The following ADPRM variants were observed in gnomAD, a reference collection of about 807,000 sequenced individuals.
ADPRM encodes manganese-dependent ADP-ribose/CDP-alcohol diphosphatase.
A neutral mutation model predicts 27.2 loss-of-function variants in ADPRM; 17 were observed. The ratio of observed to expected loss-of-function variants is 0.63; its 90% confidence interval spans 0.43 to 0.94. The LOEUF (loss-of-function observed/expected upper bound fraction) is 0.94, where lower values mean the gene tolerates loss of function less well. ADPRM is among the 40% of genes least tolerant of loss of function. The pLI is 0.00. For missense variants in ADPRM, 337 were observed against 412.8 expected (o/e 0.82, Z 1.59); for synonymous variants, 135 against 145.3 (o/e 0.93, Z 0.51).
chr17:10,710,340 G>T (rs1374186089), intron 3 of ADPRM, among the ~76,000 whole-genome samples: 1 of 152,234 alleles, frequency 6.6e-6, no homozygotes, highest in Admixed American at 6.5e-5. Context: ...GACCTCAGGT[G>T]ATCCGGCTGC....
intron 1 of ADPRM, chr17:10,698,367 G>A (rs1298538402): frequency 6.6e-6 from 1 of 151,834 alleles, no homozygotes; most frequent in African/African-American, 2.4e-5. Context: ...TAGGTTTTTC[G>A]TTCTTTGTGA....
rs1292225792 is a variant in ADPRM, at chr17:10,711,546, A to ATTT, written c.*403_*405dup. On this transcript the variant is annotated 3_prime_UTR_variant, in exon 4 of 4. Coordinates refer to ENST00000379774, the MANE Select transcript of ADPRM (RefSeq NM_020233.5). ...CTGCTGTGTAAATGAGCTTTGGACA[A>ATTT]TTTCTGCTCAGAACACCTATACTTG... Among the ~76,000 whole-genome samples, 1 of 152,242 alleles carries ATTT rather than the reference A, an allele frequency of 6.6e-6. No individual in the cohort carries two copies. The highest frequency in any genetic ancestry group is 3.4e-3 in the Middle Eastern group (1 of 292).
At position 10,702,673 on chromosome 17, in the gene ADPRM, A is replaced by G. The variant is rs1179591610; in HGVS notation, c.-17-2237A>G. ...CTTATTGTGACCCAGGTTGAGTTAC[A>G]TGCCTACCCCTAACTGGCCAGAGGA... is the stretch of plus-strand genomic sequence containing the variant. On this transcript the variant is annotated intron_variant, in intron 1 of 3. Coordinates refer to ENST00000379774, the MANE Select transcript of ADPRM (RefSeq NM_020233.5). The surrounding 1 kb of genome is among the most constrained non-coding windows in gnomAD (Gnocchi z 4.2). Among the ~76,000 whole-genome samples the G allele has an allele frequency of 6.6e-6, 1 of 152,192 alleles. No homozygotes were observed. The highest frequency in any genetic ancestry group is 1.9e-4 in the East Asian group (1 of 5,196).
chr17:10,705,282 A>C lies in ADPRM; in HGVS notation c.356A>C (p.Glu119Ala). 6.2e-7 allele frequency: 1 copy of C among 1,613,890 alleles called. No individual in the cohort carries two copies. Among genetic ancestry groups the C allele is most frequent in the Non-Finnish European group, 8.5e-7 (1 of 1,179,844 alleles). The change falls in exon 2 of 4, where the codon GAG (glutamate) becomes GCG (alanine). Residue 119 changes from glutamate to alanine, a missense_variant. By Grantham distance (107) the Glu-to-Ala change is moderately radical (BLOSUM62 -1). Transcript: ENST00000379774. This position sits in a 1 kb window ranked among gnomAD's most constrained non-coding sequence, Gnocchi z 5.4. ...CATGAATTCTATAACTTCAGTAGAGAGTATTTAACACACTCTAAACTTAAC... is the reference window on the plus strand; with the variant it reads ...CATGAATTCTATAACTTCAGTAGAGCGTATTTAACACACTCTAAACTTAAC... ...GNHEFYNFSR[E>A]YLTHSKLNTK...
intron 1 of ADPRM, among the ~76,000 whole-genome samples, 166 bp from the exon 2 acceptor site, chr17:10,704,744 G>T (rs1490377742): frequency 6.6e-6 from 1 of 152,156 alleles, no homozygotes; most frequent in African/African-American, 2.4e-5. Context: ...GTTTTAGAGG[G>T]TTAGTAGTTT....
At position 10,705,677 on chromosome 17, in the gene ADPRM, G is replaced by A. The variant is rs2074808194; in HGVS notation, c.601+150G>A. 8.0e-7 allele frequency: 1 copy of A among 1,244,696 alleles called. No individual in the cohort carries two copies. Among genetic ancestry groups the A allele is most frequent in the Admixed American group, 2.9e-5 (1 of 35,008 alleles). 77.1% of individuals were successfully genotyped at this position (1,244,696 alleles called of 1,614,324 possible). ...TCTCACAAGCCTTCTCACATGGATTGGTTACAGTTGATTCAAGATTGATTT... is the reference window on the plus strand; with the variant it reads ...TCTCACAAGCCTTCTCACATGGATTAGTTACAGTTGATTCAAGATTGATTT... On this transcript the variant is annotated intron_variant, in intron 2 of 3. Transcript: ENST00000379774. The surrounding 1 kb of genome is among the most constrained non-coding windows in gnomAD (Gnocchi z 5.4).
rs565283068 is a variant in ADPRM, at chr17:10,707,256, T to G, written c.718+702T>G. 1.2e-4 allele frequency among the ~76,000 whole-genome samples: 19 copies of G among 152,286 alleles called. No homozygotes were observed. The East Asian group carries it at 2.7e-3, about 22-fold the overall frequency. The stretch of plus-strand genomic sequence containing the variant: ...AGGGCATGGTGGTGCGTGCCTGTAG[T>G]TCCAGCCACTTGGGAGGCTGAGGCA... On this transcript the variant is annotated intron_variant, in intron 3 of 3. Transcript: ENST00000379774.
intron 1 of ADPRM, among the ~76,000 whole-genome samples, chr17:10,701,476 G>GC (rs2074777835): frequency 6.6e-6 from 1 of 151,740 alleles, no homozygotes; most frequent in African/African-American, 2.4e-5. Context: ...GACTACAGGC[G>GC]CCTGCCACCA....
In ADPRM at chr17:10,711,028, G is replaced by C. The variant is rs199535765; in HGVS notation, c.913G>C (p.Asp305His). 1 of 1,614,140 alleles carries C rather than the reference G, an allele frequency of 6.2e-7. No individual in the cohort carries two copies. The highest frequency in any genetic ancestry group is 8.5e-7 in the Non-Finnish European group (1 of 1,180,020). The part of the protein sequence containing the change: ...NLEGVIETAP[D>H]SQAFGTVHVY... ...AGAAGGAGTTATTGAAACAGCTCCAGACAGCCAAGCCTTTGGCACAGTTCA... is the reference window on the plus strand; with the variant it reads ...AGAAGGAGTTATTGAAACAGCTCCACACAGCCAAGCCTTTGGCACAGTTCA... The change falls in exon 4 of 4, where the codon GAC (aspartate) becomes CAC (histidine). Residue 305 changes from aspartate to histidine, a missense_variant. By Grantham distance (81) the Asp-to-His change is moderately conservative. Coordinates refer to ENST00000379774, the MANE Select transcript of ADPRM (RefSeq NM_020233.5).
At chr17:10,710,219 A>G (rs1465745045) in intron 3 of ADPRM, among the ~76,000 whole-genome samples, 2 of 152,202 alleles carry the variant, frequency 1.3e-5, no homozygotes, top group African/African-American at 2.4e-5. Flanking sequence ...CTTCTGCCTC[A>G]GCCTCCCGAG....
At chr17:10,706,405 C>T in intron 2 of ADPRM, 33 bp from the exon 3 acceptor site, 1 of 1,480,222 alleles carries the variant, frequency 6.8e-7, no homozygotes, top group Non-Finnish European at 9.3e-7. Flanking sequence ...GGAAAAATGA[C>T]TTGATGGGGC....
rs759644985 is a variant in ADPRM, at chr17:10,706,444, C to T, written c.608C>T (p.Ser203Phe). The T allele has an allele frequency of 1.3e-6, 2 of 1,597,540 alleles. No homozygotes were observed. ...NTELNSPQGL[S>F]EPQFVQFNGG... is the part of the protein sequence containing the mutation. ...CTTACTGAATTCATTTCAGGACTTTCTGAGCCCCAGTTTGTCCAGTTTAAT... is the reference window on the plus strand; with the variant it reads ...CTTACTGAATTCATTTCAGGACTTTTTGAGCCCCAGTTTGTCCAGTTTAAT... The change falls in exon 3 of 4, where the codon TCT becomes TTT. Residue 203 changes from serine to phenylalanine, a missense_variant. Coordinates refer to ENST00000379774, the MANE Select transcript of ADPRM (RefSeq NM_020233.5).
At chr17:10,709,121 G>A (rs2074833455) in intron 3 of ADPRM, among the ~76,000 whole-genome samples, 1 of 152,176 alleles carries the variant, frequency 6.6e-6, no homozygotes, top group Non-Finnish European at 1.5e-5. Context: ...CTACTCCAAG[G>A]TCATCCTATA....
intron 2 of ADPRM, 94 bp from the exon 3 acceptor site, chr17:10,706,344 A>C: frequency 1.3e-6 from 1 of 779,962 alleles, no homozygotes. Flanking sequence ...GATATTCCTA[A>C]AGAAAAAACA....
chr17:10,709,821 A>C (rs1197671943), intron 3 of ADPRM, among the ~76,000 whole-genome samples: 1 of 152,206 alleles, frequency 6.6e-6, no homozygotes, highest in Admixed American at 6.5e-5. Flanking sequence ...ATTTAATGGG[A>C]AGATGCAACG....
intron 1 of ADPRM, 96 bp from the exon 2 acceptor site, chr17:10,704,814 T>A: frequency 3.6e-6 from 4 of 1,099,582 alleles, no homozygotes; most frequent in Non-Finnish European, 3.9e-6. Context: ...AGCTGCCTAA[T>A]GAATTAACCT....
intron 1 of ADPRM, among the ~76,000 whole-genome samples, chr17:10,703,557 A>G (rs2520148): frequency 0.061 from 9,324 of 152,176 alleles, 930 homozygotes; most frequent in African/African-American, 0.21. Flanking sequence ...TTCTCAAATA[A>G]GTCAAATTGA....
Position 10,702,446 on chromosome 17 carries a change from C to G in ADPRM, c.-17-2464C>G, listed in dbSNP as rs2520150. Among the ~76,000 whole-genome samples the G allele has an allele frequency of 6.6e-6, 1 of 152,182 alleles. No homozygotes were observed. Among genetic ancestry groups the G allele is most frequent in the East Asian group, 1.9e-4 (1 of 5,200 alleles). ...AAGCCCAGGAGAATTTATGTGCTGA[C>G]ATGTGTAACTAAATGACCAGTGTTC... is the stretch of plus-strand genomic sequence containing the variant. On this transcript the variant is annotated intron_variant, in intron 1 of 3. Transcript: ENST00000379774. The surrounding 1 kb of genome is among the most constrained non-coding windows in gnomAD (Gnocchi z 4.2).
intron 1 of ADPRM, 138 bp from the exon 2 acceptor site, chr17:10,704,772 G>A (rs2151463137): frequency 1.5e-6 from 1 of 653,080 alleles, no homozygotes; most frequent in Non-Finnish European, 2.6e-6. Context: ...AGACTGTTGG[G>A]CTCTAAAGCC....
Sources: allele counts gnomAD v4.1 joint callset (sites outside exome capture counted in the v4.1 genomes callset), GRCh38; gene constraint gnomAD v4.1.1; non-coding constraint Gnocchi (gnomAD v3.1); transcripts MANE v1.5; gene names NCBI Gene and HGNC (gene_info 2026-07-23, HGNC 2026-07-21).